The following EPM2A variants were observed in gnomAD, a reference collection of about 807,000 sequenced individuals.
EPM2A encodes laforin.
In EPM2A, 21 loss-of-function variants were observed where a neutral mutation model predicts 26.5. That is an observed-to-expected ratio of 0.79 (90% CI 0.56 to 1.14). EPM2A has a LOEUF of 1.14. Ranked by LOEUF, EPM2A falls within the 50% of genes most tolerant of loss-of-function variation. The pLI is 0.00. For missense variants in EPM2A, 458 were observed against 440.8 expected, an observed-to-expected ratio of 1.04 and a Z score of -0.35; for synonymous variants, 217 against 177.6, an observed-to-expected ratio of 1.22 and a Z score of -1.76.
chr6:145,581,965 T>C (rs1208558162), intron 2 of EPM2A, among the ~76,000 whole-genome samples: 1 of 152,192 alleles, frequency 6.6e-6, no homozygotes, highest in East Asian at 1.9e-4. Flanking sequence ...ATGTTCATAA[T>C]AGTCTCTTAA....
rs561402666 is a variant in EPM2A at position 145,542,491 on chromosome 6, T to C, written c.341-39916A>G. On this transcript the variant is annotated intron_variant, in intron 2 of 3. Transcript: ENST00000450221. ...AAAAAACATATGCAGGTGAAAATAG[T>C]ATGAGAAGATGTTGGAATATAACAA... Among the ~76,000 whole-genome samples the C allele has an allele frequency of 9.5e-4, 144 of 152,274 alleles. No individual in the cohort carries two copies. In the Middle Eastern group the frequency reaches 0.01, roughly 11 times the overall value.
chr6:145,579,747 T>C (rs1282423894), intron 2 of EPM2A, among the ~76,000 whole-genome samples: 1 of 152,174 alleles, frequency 6.6e-6, no homozygotes, highest in African/African-American at 2.4e-5. Flanking sequence ...CGGTTGTATG[T>C]CTTAGTGTCT....
intron 2 of EPM2A, among the ~76,000 whole-genome samples, chr6:145,530,190 G>A (rs995722085): frequency 6.6e-6 from 1 of 152,182 alleles, no homozygotes; most frequent in Admixed American, 6.6e-5. Flanking sequence ...CCCTGTTTAT[G>A]CCTTTCCCCT....
chr6:145,628,025 T>G (rs1775957889), intron 3 of EPM2A: 1 of 303,142 alleles, frequency 3.3e-6, no homozygotes, highest in Admixed American at 4.7e-5. Flanking sequence ...TCACATGAAG[T>G]TTTTGCAGAG....
intron 4 of EPM2A, chr6:145,490,970 C>T (rs1779747164): frequency 2.3e-6 from 2 of 868,184 alleles, no homozygotes; most frequent in Non-Finnish European, 3.7e-6. Context: ...TCCACTTCCT[C>T]TAATGTTTTG....
intron 4 of EPM2A, among the ~76,000 whole-genome samples, chr6:145,419,127 G>A (rs1778746718): frequency 6.6e-6 from 1 of 151,858 alleles, no homozygotes; most frequent in African/African-American, 2.4e-5. Context: ...AAATCTCTTG[G>A]GTGGCTTTTT....
intron 1 of EPM2A, among the ~76,000 whole-genome samples, chr6:145,690,878 C>A: frequency 6.6e-6 from 1 of 150,792 alleles, no homozygotes. Flanking sequence ...GGTTTAAGAG[C>A]AATATGGAAG....
At position 145,735,385 on chromosome 6, in the gene EPM2A, G is replaced by A. The variant is rs1776812881; in HGVS notation, c.114C>T (p.Val38=). ...CCGCGGTGCCGGCCGGCCTCAGGCG[G>A]ACGGCACCGCGCGGCTCCCAACGCC... ...ELGRWEPRGA[V]RLRPAGTAAG... is the part of the protein sequence containing the mutation. The change falls in exon 1 of 4, where the codon GTC becomes GTT. Residue 38 remains valine, a synonymous_variant. Transcript: ENST00000367519. 9.5e-7 allele frequency: 1 copy of A among 1,056,662 alleles called. No homozygotes were observed. Among genetic ancestry groups the A allele is most frequent in the Non-Finnish European group, 1.2e-6 (1 of 862,414 alleles). 65.5% of individuals were successfully genotyped at this position (1,056,662 alleles called of 1,614,324 possible).
intron 4 of EPM2A, among the ~76,000 whole-genome samples, chr6:145,479,090 C>T (rs1349124871): frequency 6.6e-6 from 1 of 151,232 alleles, no homozygotes; most frequent in Non-Finnish European, 1.5e-5. Context: ...TGATTTTTGA[C>T]CACTGGTTCT....
intron 4 of EPM2A, among the ~76,000 whole-genome samples, chr6:145,473,483 G>A (rs1779502867): frequency 6.6e-6 from 1 of 151,884 alleles, no homozygotes; most frequent in Non-Finnish European, 1.5e-5. Flanking sequence ...AAAAGATAGA[G>A]GTAGAAAGTT....
intron 4 of EPM2A, among the ~76,000 whole-genome samples, chr6:145,407,270 A>G (rs2114672016): frequency 6.6e-6 from 1 of 152,302 alleles, no homozygotes; most frequent in East Asian, 1.9e-4. Context: ...TATTTAAAAC[A>G]CTGGCTGTAA....
chr6:145,428,778 A>G (rs1357378058), intron 4 of EPM2A, among the ~76,000 whole-genome samples: 3 of 152,170 alleles, frequency 2.0e-5, no homozygotes, highest in Non-Finnish European at 4.4e-5. Flanking sequence ...GGCAACATAC[A>G]CCTTATCTTC....
chr6:145,421,437 T>A, intron 4 of EPM2A, among the ~76,000 whole-genome samples: 1 of 152,094 alleles, frequency 6.6e-6, no homozygotes, highest in East Asian at 1.9e-4. Flanking sequence ...TAAAGGAACA[T>A]TATGTTTATG....
At chr6:145,641,924 T>C (rs897807031) in intron 2 of EPM2A, among the ~76,000 whole-genome samples, 1 of 152,158 alleles carries the variant, frequency 6.6e-6, no homozygotes, top group African/African-American at 2.4e-5. Context: ...TCCTCTTACA[T>C]GACTCTCAGA....
rs186257029 is a variant in EPM2A, at chr6:145,566,889, T to C, written c.341-64314A>G. Among the ~76,000 whole-genome samples, 4 of 152,360 alleles carry C rather than the reference T, an allele frequency of 2.6e-5. No homozygotes were observed. The East Asian group carries it at 7.7e-4, about 29-fold the overall frequency. ...AGGAAAGAAAATTGCCTGATGCCTG[T>C]GTCAAATTCATTCTCGTTTAGTAGT... On this transcript the variant is annotated intron_variant, in intron 2 of 3. Coordinates refer to the EPM2A transcript ENST00000450221.
intron 2 of EPM2A, among the ~76,000 whole-genome samples, chr6:145,601,669 T>C (rs1344154015): frequency 6.6e-6 from 1 of 152,246 alleles, no homozygotes; most frequent in Non-Finnish European, 1.5e-5. Context: ...TAGAGTGTTG[T>C]ACATCATGGA....
At chr6:145,570,488 T>A (rs556546331) in intron 2 of EPM2A, among the ~76,000 whole-genome samples, 5 of 152,224 alleles carry the variant, frequency 3.3e-5, no homozygotes, top group Non-Finnish European at 7.3e-5. Context: ...GAAATGAAGA[T>A]ATTTTCTTAG....
intron 2 of EPM2A, among the ~76,000 whole-genome samples, chr6:145,573,057 C>T (rs187068990): frequency 1.4e-4 from 22 of 152,154 alleles, no homozygotes; most frequent in Non-Finnish European, 2.2e-4. Context: ...AGAAAGTTCC[C>T]GAGTTTCAGT....
intron 2 of EPM2A, among the ~76,000 whole-genome samples, chr6:145,558,582 T>A (rs1395145568): frequency 3.9e-5 from 6 of 152,064 alleles, no homozygotes; most frequent in Non-Finnish European, 8.8e-5. Context: ...TGCACCCTCA[T>A]GAGGTATATA....
Sources: allele counts gnomAD v4.1 joint callset (sites outside exome capture counted in the v4.1 genomes callset), GRCh38; gene constraint gnomAD v4.1.1; transcripts MANE v1.5; gene names NCBI Gene and HGNC (gene_info 2026-07-23, HGNC 2026-07-21).